Variants in DSCAM observed in about 807,000 individuals in gnomAD.
DSCAM encodes the protein DS cell adhesion molecule, also known as cell adhesion molecule DSCAM.
Under a neutral mutation model 217.7 loss-of-function variants are expected in DSCAM, and 47 were observed. That is an observed-to-expected ratio of 0.22 (90% CI 0.17 to 0.28). The LOEUF (loss-of-function observed/expected upper bound fraction) is 0.28, where lower values mean the gene tolerates loss of function less well. DSCAM is among the 10% of genes least tolerant of loss of function. The pLI, the probability that DSCAM is intolerant of heterozygous loss-of-function variation, is 1.00. For missense variants in DSCAM, 2,080 were observed against 2,618.3 expected, an observed-to-expected ratio of 0.79 and a Z score of 4.49; for synonymous variants, 1,056 against 1,015.3, an observed-to-expected ratio of 1.04 and a Z score of -0.76.
chr21:40,470,843 C>T (rs1361682634), intron 3 of DSCAM, among the ~76,000 whole-genome samples: 1 of 152,172 alleles, frequency 6.6e-6, no homozygotes, highest in African/African-American at 2.4e-5. Flanking sequence ...TGTGAGCCAC[C>T]TCACCTGGGC....
chr21:40,772,268 A>G (rs1344285810), intron 1 of DSCAM, among the ~76,000 whole-genome samples: 1 of 152,146 alleles, frequency 6.6e-6, no homozygotes, highest in East Asian at 1.9e-4. Context: ...TCCTGGGTGC[A>G]AGCGATTTTC....
At chr21:40,185,061 C>T (rs67940439) in intron 14 of DSCAM, among the ~76,000 whole-genome samples, 2,421 of 152,232 alleles carry the variant, frequency 0.016, 39 homozygotes, top group Middle Eastern at 0.027. Flanking sequence ...TGAAAATAGA[C>T]CTACTAGGTG....
At chr21:40,728,159 T>C (rs1030746250) in intron 1 of DSCAM, among the ~76,000 whole-genome samples, 1 of 152,138 alleles carries the variant, frequency 6.6e-6, no homozygotes, top group Non-Finnish European at 1.5e-5. Flanking sequence ...ACTCGATCAT[T>C]TACCTATTTG....
chr21:40,209,701 C>T (rs1368510768), intron 11 of DSCAM, among the ~76,000 whole-genome samples: 1 of 152,168 alleles, frequency 6.6e-6, no homozygotes, highest in East Asian at 1.9e-4. Context: ...CCTGGTCCTT[C>T]TTGGTCAAGG....
At chr21:40,627,725 T>C (rs1160391403) in intron 3 of DSCAM, among the ~76,000 whole-genome samples, 1 of 152,232 alleles carries the variant, frequency 6.6e-6, no homozygotes, top group African/African-American at 2.4e-5. Context: ...TTAGTAGATA[T>C]ACTATCTCCA....
At chr21:40,814,780 T>C (rs2091866873) in intron 1 of DSCAM, among the ~76,000 whole-genome samples, 1 of 152,104 alleles carries the variant, frequency 6.6e-6, no homozygotes, top group Admixed American at 6.5e-5. Flanking sequence ...GGCAAGTAGG[T>C]AATCCAGTTA....
intron 3 of DSCAM, chr21:40,385,505 T>G (rs1430767004): frequency 1.3e-5 from 2 of 152,220 alleles, no homozygotes; most frequent in African/African-American, 4.8e-5. Flanking sequence ...TTGCACAAAC[T>G]TTTACAAGAT....
At chr21:40,206,884 C>G (rs1244244072) in intron 11 of DSCAM, among the ~76,000 whole-genome samples, 1 of 152,178 alleles carries the variant, frequency 6.6e-6, no homozygotes. Flanking sequence ...GCATTCCAGC[C>G]TGGGCAGCAG....
intron 4 of DSCAM, among the ~76,000 whole-genome samples, chr21:40,358,932 A>C (rs1276215885): frequency 6.6e-6 from 1 of 152,188 alleles, no homozygotes. Context: ...TTATATCTCT[A>C]TAATGAAAAG....
intron 3 of DSCAM, among the ~76,000 whole-genome samples, chr21:40,637,424 A>AAT (rs1280589723): frequency 0.93 from 6,643 of 7,156 alleles, 3,197 homozygotes; most frequent in Middle Eastern, 1. Context: ...TATATATATA[A>AAT]ATATATAAAT....
At chr21:40,079,809 GC>G (rs2089426722) in intron 25 of DSCAM, among the ~76,000 whole-genome samples, 1 of 110,468 alleles carries the variant, frequency 9.1e-6, no homozygotes, top group Non-Finnish European at 2.3e-5. Flanking sequence ...GAAGGTGGGA[GC>G]AAGGGTGGCT....
rs1555845574 is a variant in DSCAM at position 40,493,879 on chromosome 21, A to AATAT, written c.509-124638_509-124635dup. Among the ~76,000 whole-genome samples the AATAT allele has an allele frequency of 4.9e-3, 661 of 135,460 alleles. 4 individuals are homozygous for AATAT. Among genetic ancestry groups the AATAT allele is most frequent in the East Asian group, 0.047 (217 of 4,580 alleles). The allele number at this position is 135,460 out of a possible 152,430, so 88.9% of individuals were successfully genotyped here. A position where few individuals can be genotyped will look rare whatever the true frequency, so the allele number is the denominator to read the frequency against. On this transcript the variant is annotated intron_variant, in intron 3 of 32. Coordinates refer to ENST00000400454, the MANE Select transcript of DSCAM (RefSeq NM_001389.5). ...ACTCCATCTCAAAAAAAAAAAAAAA[A>AATAT]ATATATACATATATATACATATATA...
intron 3 of DSCAM, among the ~76,000 whole-genome samples, chr21:40,374,235 T>G (rs989255116): frequency 1.1e-4 from 17 of 152,190 alleles, no homozygotes; most frequent in Non-Finnish European, 2.4e-4. Context: ...AAAATTAAAT[T>G]GGTATCTATC....
At chr21:40,574,804 T>C (rs1342574340) in intron 3 of DSCAM, among the ~76,000 whole-genome samples, 1 of 150,938 alleles carries the variant, frequency 6.6e-6, no homozygotes, top group Non-Finnish European at 1.5e-5. Flanking sequence ...ACTTCCTGGG[T>C]TCAAGGGATT....
chr21:40,030,145 C>G (rs973569801), intron 32 of DSCAM, among the ~76,000 whole-genome samples: 1 of 152,228 alleles, frequency 6.6e-6, no homozygotes, highest in Non-Finnish European at 1.5e-5. Context: ...CACATTCTCA[C>G]TGCACTGCTC....
rs1241112752 is a variant in DSCAM, at chr21:40,080,332, G to A, written c.4240C>T (p.Leu1414=). ...NGGSSIRGYI[L]QYSEDNSEQW... The stretch of plus-strand genomic sequence containing the variant: ...TCACTATTGTCCTCGGAGTACTGCA[G>A]TATGTATCCTGCAGAGAATGAGAAA... Residue 1414 remains leucine (L), a synonymous_variant, in exon 25 of 33, where the codon CTG becomes TTG. Coordinates refer to ENST00000400454, the MANE Select transcript of DSCAM (RefSeq NM_001389.5). The A allele has an allele frequency of 3.1e-6, 5 of 1,605,792 alleles. No homozygotes were observed. The highest frequency in any genetic ancestry group is 1.7e-5 in the Admixed American group (1 of 59,266).
intron 3 of DSCAM, among the ~76,000 whole-genome samples, chr21:40,434,998 A>T (rs1354086730): frequency 6.6e-6 from 1 of 152,214 alleles, no homozygotes; most frequent in Non-Finnish European, 1.5e-5. Context: ...CTATCCTGAA[A>T]GACCTACATT....
At chr21:40,342,574 GTTAA>G (rs1395379921) in intron 6 of DSCAM, among the ~76,000 whole-genome samples, 3 of 145,676 alleles carry the variant, frequency 2.1e-5, no homozygotes. Flanking sequence ...TTGTTTCAGT[GTTAA>G]TTTGTTGAAA....
At chr21:40,039,577 G>T (rs543209974) in intron 32 of DSCAM, among the ~76,000 whole-genome samples, 24 of 152,236 alleles carry the variant, frequency 1.6e-4, no homozygotes, top group Middle Eastern at 3.4e-3. Context: ...TTTATGTATA[G>T]AGAGAGAGTT....
Sources: allele counts gnomAD v4.1 joint callset (sites outside exome capture counted in the v4.1 genomes callset), GRCh38; gene constraint gnomAD v4.1.1; transcripts MANE v1.5; gene names NCBI Gene and HGNC (gene_info 2026-07-23, HGNC 2026-07-21).